The following PLAAT3 variants were observed in gnomAD, a reference collection of about 807,000 sequenced individuals.
The protein encoded by PLAAT3 is phospholipase A and acyltransferase 3, also known as Ca-independent phospholipase A1/2.
PLAAT3 carries 21 observed loss-of-function variants against 16.7 expected under a neutral mutation model. The observed-to-expected ratio is 1.26, with a 90% confidence interval of 0.89 to 1.81. The LOEUF (loss-of-function observed/expected upper bound fraction) is 1.81, where lower values mean the gene tolerates loss of function less well. Among genes scored for constraint, PLAAT3 ranks in the 40% most tolerant of loss-of-function variants. The pLI is 0.00. For synonymous variants in PLAAT3, 76 were observed against 81.7 expected, an observed-to-expected ratio of 0.93 and a Z score of 0.38; for missense variants, 219 against 213.7, an observed-to-expected ratio of 1.02 and a Z score of -0.16.
chr11:63,610,767 G>C (rs879199427), intron 2 of PLAAT3, among the ~76,000 whole-genome samples: 3 of 152,268 alleles, frequency 2.0e-5, no homozygotes, highest in Admixed American at 2.0e-4. Context: ...TCACTTTGGG[G>C]TTTCATTTCC....
At chr11:63,584,950 C>G (rs1446875812) in intron 4 of PLAAT3, among the ~76,000 whole-genome samples, 1 of 151,586 alleles carries the variant, frequency 6.6e-6, no homozygotes, top group Non-Finnish European at 1.5e-5. Context: ...ACAGTGCTTA[C>G]AAAGAAAAAT....
At chr11:63,602,346 T>C (rs1243954245) in intron 2 of PLAAT3, among the ~76,000 whole-genome samples, 1 of 151,560 alleles carries the variant, frequency 6.6e-6, no homozygotes, top group African/African-American at 2.4e-5. Flanking sequence ...GGGAGTCTTG[T>C]AGGGACCAGC....
intron 3 of PLAAT3, among the ~76,000 whole-genome samples, chr11:63,593,814 A>C (rs934086893): frequency 6.6e-6 from 1 of 152,162 alleles, no homozygotes; most frequent in African/African-American, 2.4e-5. Context: ...TCCTGATCTC[A>C]GGTGATTCAC....
At chr11:63,607,563 G>A (rs1938598435) in intron 2 of PLAAT3, among the ~76,000 whole-genome samples, 1 of 152,058 alleles carries the variant, frequency 6.6e-6, no homozygotes, top group East Asian at 1.9e-4. Flanking sequence ...AACTGGAGGT[G>A]ATGTCAAAGA....
chr11:63,597,467 A>C (rs1938318768), intron 3 of PLAAT3, among the ~76,000 whole-genome samples: 1 of 152,202 alleles, frequency 6.6e-6, no homozygotes, highest in Admixed American at 6.5e-5. Flanking sequence ...CGGAGCTTGC[A>C]GTAAGCCGAG....
In PLAAT3 at chr11:63,608,013, C is replaced by G. The variant is rs990652926; in HGVS notation, c.15+5987G>C. On this transcript the variant is annotated intron_variant, in intron 2 of 4. Transcript: ENST00000415826. ...CATCCTGGCTAACACAGTGAAACCC[C>G]GTCTCTACTAAAAATATAAAAAATT... 3.3e-5 allele frequency among the ~76,000 whole-genome samples: 5 copies of G among 151,864 alleles called. 1 individual carries two copies. The highest frequency in any genetic ancestry group is 2.6e-4 in the Admixed American group (4 of 15,238).
chr11:63,613,333 C>A (rs1938739727), intron 2 of PLAAT3, among the ~76,000 whole-genome samples: 1 of 152,126 alleles, frequency 6.6e-6, no homozygotes, highest in African/African-American at 2.4e-5. Context: ...ATCGCTTGAA[C>A]CCGAGAGGCG....
At chr11:63,579,217 GA>G (rs1369719915) in intron 4 of PLAAT3, among the ~76,000 whole-genome samples, 3 of 152,154 alleles carry the variant, frequency 2.0e-5, no homozygotes, top group African/African-American at 7.2e-5. Flanking sequence ...AAAAAGTCAG[GA>G]AACAACAAGT....
At chr11:63,596,430 G>C (rs7944240) in intron 3 of PLAAT3, among the ~76,000 whole-genome samples, 18,715 of 151,794 alleles carry the variant, frequency 0.12, 1,345 homozygotes, top group Middle Eastern at 0.2. Context: ...GCAGTGGGGA[G>C]GGATGGTTTC....
intron 4 of PLAAT3, among the ~76,000 whole-genome samples, chr11:63,588,229 C>T (rs1938035826): frequency 6.6e-6 from 1 of 151,874 alleles, no homozygotes; most frequent in South Asian, 2.1e-4. Context: ...AGCACCATGC[C>T]CGGCTAATTT....
chr11:63,575,141 T>A, intron 4 of PLAAT3, 95 bp from the exon 5 acceptor site: 1 of 820,976 alleles, frequency 1.2e-6, no homozygotes, highest in Non-Finnish European at 2.0e-6. Flanking sequence ...ATACCTCACA[T>A]GCCCCTTGGC....
intron 4 of PLAAT3, among the ~76,000 whole-genome samples, chr11:63,576,567 G>C (rs1431009895): frequency 6.6e-6 from 1 of 152,236 alleles, no homozygotes; most frequent in Non-Finnish European, 1.5e-5. Context: ...AATTTGCAGT[G>C]AGCAAAGACT....
chr11:63,598,047 C>A lies in PLAAT3; in HGVS notation c.118+14G>T. 6.4e-7 allele frequency: 1 copy of A among 1,554,264 alleles called. No individual in the cohort carries two copies. The highest frequency in any genetic ancestry group is 1.1e-5 in the South Asian group (1 of 89,836). On this transcript the variant is annotated intron_variant, in intron 3 of 4. Coordinates refer to ENST00000415826, the MANE Select transcript of PLAAT3 (RefSeq NM_001128203.2). ...CCTGGGGCCCATCACAGTGGAGGTC[C>A]CATGTGTTCTTACTTGGAGGGGCCA...
chr11:63,577,078 G>A (rs1937637188), intron 4 of PLAAT3, among the ~76,000 whole-genome samples: 1 of 151,748 alleles, frequency 6.6e-6, no homozygotes, highest in South Asian at 2.1e-4. Context: ...TTGTTTTTAG[G>A]ATATAATTTG....
chr11:63,577,167 CTT>C (rs773068565), intron 4 of PLAAT3, among the ~76,000 whole-genome samples: 19 of 139,380 alleles, frequency 1.4e-4, no homozygotes, highest in Non-Finnish European at 1.4e-4. Flanking sequence ...GGCAAGTGCA[CTT>C]TTTTTTTTTT....
At chr11:63,598,631 G>A (rs572466948) in intron 2 of PLAAT3, 13 of 508,384 alleles carry the variant, frequency 2.6e-5, no homozygotes, top group East Asian at 1.7e-4. Flanking sequence ...AGGACTGAAC[G>A]CCCAGTTGGC....
chr11:63,575,440 C>T (rs376889850), intron 4 of PLAAT3, among the ~76,000 whole-genome samples: 1 of 152,168 alleles, frequency 6.6e-6, no homozygotes, highest in Non-Finnish European at 1.5e-5. Context: ...TAGTCAGTAA[C>T]CTGTGACCTC....
At chr11:63,579,152 G>A (rs1937715339) in intron 4 of PLAAT3, among the ~76,000 whole-genome samples, 1 of 152,218 alleles carries the variant, frequency 6.6e-6, no homozygotes, top group Admixed American at 6.5e-5. Flanking sequence ...TCAGAGAAAT[G>A]CAAATCAAAA....
chr11:63,591,862 G>C (rs569635044), intron 3 of PLAAT3, among the ~76,000 whole-genome samples: 1 of 152,210 alleles, frequency 6.6e-6, no homozygotes. Context: ...ACAGCGCAGG[G>C]ACTCGGAAGA....
Sources: allele counts gnomAD v4.1 joint callset (sites outside exome capture counted in the v4.1 genomes callset), GRCh38; gene constraint gnomAD v4.1.1; transcripts MANE v1.5; gene names NCBI Gene and HGNC (gene_info 2026-07-23, HGNC 2026-07-21).